Variants in TOP1MT observed in about 807,000 individuals in gnomAD.
The protein encoded by TOP1MT is DNA topoisomerase I mitochondrial.
A neutral mutation model predicts 73.9 loss-of-function variants in TOP1MT; 80 were observed. The observed-to-expected ratio is 1.08, with a 90% CI of 0.90 to 1.30. TOP1MT has a LOEUF of 1.30. Among genes scored for constraint, TOP1MT ranks in the 50% most tolerant of loss-of-function variants. The pLI, the probability that TOP1MT is intolerant of heterozygous loss-of-function variation, is 0.00. For synonymous variants in TOP1MT, 338 were observed against 326.4 expected, an observed-to-expected ratio of 1.04 and a Z score of -0.38; for missense variants, 815 against 808.0, an observed-to-expected ratio of 1.01 and a Z score of -0.10.
At chr8:143,356,401 A>G (rs370113510), upstream of TOP1MT, among the ~76,000 whole-genome samples, 1 of 152,396 alleles carries the variant, frequency 6.6e-6, no homozygotes, top group East Asian at 1.9e-4. Flanking sequence ...GAAATTTGAC[A>G]TAAATGCACC....
At chr8:143,340,973 T>G (rs1405108726) in intron 2 of TOP1MT, among the ~76,000 whole-genome samples, 1 of 152,130 alleles carries the variant, frequency 6.6e-6, no homozygotes, top group Non-Finnish European at 1.5e-5. Context: ...CACCATGCCC[T>G]CACTGTGCAC....
chr8:143,321,228 G>A lies in TOP1MT; in HGVS notation c.1119C>T (p.Tyr373=), dbSNP rs1339559132. ...GCTTCTCCACCGGCACTCTGTTGTA[G>A]TAGCGGATGCAGTCCTTCCCCAGGA... ...FDFLGKDCIR[Y]YNRVPVEKPV... The change falls in exon 8 of 14, where the codon TAC becomes TAT. Residue 373 remains tyrosine (Y), a synonymous_variant. Coordinates refer to ENST00000329245, the MANE Select transcript of TOP1MT (RefSeq NM_052963.3). The A allele has an allele frequency of 1.2e-6, 2 of 1,609,410 alleles. No individual in the cohort carries two copies. Among genetic ancestry groups the A allele is most frequent in the Admixed American group, 1.7e-5 (1 of 59,682 alleles).
chr8:143,333,299 T>A (rs1309734965), intron 1 of TOP1MT, among the ~76,000 whole-genome samples: 1 of 151,812 alleles, frequency 6.6e-6, no homozygotes, highest in African/African-American at 2.4e-5. Context: ...AATACAAAAA[T>A]TAGCTAGGCG....
Position 143,317,803 on chromosome 8 carries a change from A to T in TOP1MT, c.1250T>A (p.Met417Lys). The part of the protein sequence containing the change: ...TSLNKHLQEL[M>K]DGLTAKVFRT... Reference sequence around the variant, plus strand: ...GAACACCTTGGCCGTCAGCCCGTCCATCAGCTCCTGGAGGTGCTTGTTCAG... The same window carrying T: ...GAACACCTTGGCCGTCAGCCCGTCCTTCAGCTCCTGGAGGTGCTTGTTCAG... The change falls in exon 10 of 14, where the codon ATG (methionine) becomes AAG (lysine). Residue 417 changes from methionine (M) to lysine (K), a missense_variant. Transcript: ENST00000329245. 1 of 1,614,210 alleles carries T rather than the reference A, an allele frequency of 6.2e-7. No homozygotes were observed. Among genetic ancestry groups the T allele is most frequent in the Non-Finnish European group, 8.5e-7 (1 of 1,180,036 alleles).
chr8:143,311,677 C>CAG (rs1816018163), intron 12 of TOP1MT, among the ~76,000 whole-genome samples: 1 of 150,154 alleles, frequency 6.7e-6, no homozygotes, highest in Non-Finnish European at 1.5e-5. Context: ...ACCCGGGAGG[C>CAG]AGAGGTTGTG....
rs112831549 is a variant in TOP1MT at position 143,341,857 on chromosome 8, T to C, written c.29+1363A>G. ...TCCTCTTCTTCCTCCTCCTCCTCCT[T>C]CCTCTTTCTCCTCCCCCTTCTTCTT... On this transcript the variant is annotated intron_variant, in intron 2 of 5. Transcript: ENST00000518007. The surrounding 1 kb of genome is among the most constrained non-coding windows in gnomAD (Gnocchi z 4.1). Among the ~76,000 whole-genome samples the C allele has an allele frequency of 2.3e-3, 322 of 137,990 alleles. 1 individual carries two copies. Among genetic ancestry groups the C allele is most frequent in the African/African-American group, 9.3e-3 (309 of 33,316 alleles). The allele number at this position is 137,990 out of a possible 152,430, so 90.5% of individuals were successfully genotyped here.
intron 1 of TOP1MT, among the ~76,000 whole-genome samples, chr8:143,350,494 G>C (rs1817302630): frequency 6.6e-6 from 1 of 152,072 alleles, no homozygotes; most frequent in East Asian, 1.9e-4. Context: ...ACCATGCCTG[G>C]CTAATTTTTG....
At chr8:143,315,097 A>C (rs551936479) in intron 12 of TOP1MT, among the ~76,000 whole-genome samples, 6 of 152,170 alleles carry the variant, frequency 3.9e-5, no homozygotes, top group African/African-American at 1.4e-4. Flanking sequence ...GCAGACCGGG[A>C]AAGGGAGTCT....
Position 143,321,449 on chromosome 8 carries a change from CCACA to C in TOP1MT, c.961-67_961-64del, listed in dbSNP as rs1172159547. ...CACACGCACGCCACACACACGCACG[CCACA>C]CACACGCACGCCACACACGCACGCC... is the stretch of plus-strand genomic sequence containing the variant. On this transcript the variant is annotated intron_variant, in intron 7 of 13. Transcript: ENST00000329245. The C allele has an allele frequency of 2.2e-4, 303 of 1,379,438 alleles. 3 individuals carry two copies. The highest frequency in any genetic ancestry group is 1.5e-3 in the South Asian group (106 of 73,062). The allele number at this position is 1,379,438 out of a possible 1,614,324, so 85.4% of individuals were successfully genotyped here.
intron 3 of TOP1MT, among the ~76,000 whole-genome samples, chr8:143,326,721 C>T (rs559569638): frequency 1.2e-3 from 186 of 152,362 alleles, no homozygotes; most frequent in Non-Finnish European, 9.8e-4. Context: ...CTAAGGGCAA[C>T]TGCAGAAACG....
chr8:143,311,820 A>G (rs1388003379), intron 12 of TOP1MT, among the ~76,000 whole-genome samples: 3 of 152,156 alleles, frequency 2.0e-5, no homozygotes, highest in Non-Finnish European at 4.4e-5. Context: ...CTAAAGAAAT[A>G]AAAAAGATAA....
intron 8 of TOP1MT, 27 bp downstream of exon 8, chr8:143,321,174 G>C (rs776658414): frequency 6.5e-7 from 1 of 1,548,832 alleles, no homozygotes; most frequent in Non-Finnish European, 8.8e-7. Flanking sequence ...GTCACATAGC[G>C]GGGGCAGCTG....
At chr8:143,357,227 T>A (rs1167585978), upstream of TOP1MT, among the ~76,000 whole-genome samples, 1 of 150,770 alleles carries the variant, frequency 6.6e-6, no homozygotes, top group African/African-American at 2.4e-5. Flanking sequence ...CATAGGGAGA[T>A]AGGGAGATCC....
intron 1 of TOP1MT, among the ~76,000 whole-genome samples, chr8:143,350,831 T>C (rs1246373512): frequency 6.6e-6 from 1 of 152,184 alleles, no homozygotes; most frequent in African/African-American, 2.4e-5. Context: ...AAACTTCCTA[T>C]TTTGGAAAAT....
upstream of TOP1MT, among the ~76,000 whole-genome samples, chr8:143,337,164 C>A (rs1457047443): frequency 6.6e-6 from 1 of 152,076 alleles, no homozygotes; most frequent in African/African-American, 2.4e-5. Context: ...CAGTGGCTCA[C>A]GCCTGTAATC....
At chr8:143,316,566 GGCGA>G (rs1816170585) in intron 10 of TOP1MT, among the ~76,000 whole-genome samples, 5 of 44,280 alleles carry the variant, frequency 1.1e-4, no homozygotes, top group African/African-American at 4.6e-4. Flanking sequence ...GGCTTCCCCT[GGCGA>G]GTCTGTGGGT....
chr8:143,341,002 C>T lies in TOP1MT; in HGVS notation c.29+2218G>A, dbSNP rs1817069774. ...TGTGCACCTGCTCCTGGCCACGCTT[C>T]GCACCTCTTCTGTGGGAACTGCTCT... On this transcript the variant is annotated intron_variant, in intron 2 of 5. Transcript: ENST00000518007. This position sits in a 1 kb window ranked among gnomAD's most constrained non-coding sequence, Gnocchi z 4.1. Among the ~76,000 whole-genome samples the T allele has an allele frequency of 6.6e-6, 1 of 152,158 alleles. No homozygotes were observed. Among genetic ancestry groups the T allele is most frequent in the Non-Finnish European group, 1.5e-5 (1 of 68,032 alleles).
At chr8:143,322,891 CCACACGCACGCCA>C (rs796708507) in intron 7 of TOP1MT, among the ~76,000 whole-genome samples, 24 of 91,752 alleles carry the variant, frequency 2.6e-4, no homozygotes, top group African/African-American at 6.7e-4. Context: ...CACACGCACG[CCACACGCACGCCA>C]CACACGCACG....
chr8:143,335,376 C>T (rs1433250529), upstream of TOP1MT, among the ~76,000 whole-genome samples: 1 of 152,214 alleles, frequency 6.6e-6, no homozygotes, highest in Non-Finnish European at 1.5e-5. Flanking sequence ...ACCTGCTGTC[C>T]AGCCCACAGC....
Sources: gnomAD v4.1 joint callset for allele counts (sites outside exome capture counted in the v4.1 genomes callset) on GRCh38, gnomAD v4.1.1 for gene constraint, Gnocchi (gnomAD v3.1) non-coding constraint, MANE v1.5 for transcripts, NCBI Gene and HGNC (gene_info 2026-07-23, HGNC 2026-07-21) for gene names.